The following EYS variants were observed in gnomAD, a reference collection of about 807,000 sequenced individuals.
The protein encoded by EYS is EGF-like photoreceptor maintenance factor, also known as protein eyes shut homolog.
Under a neutral mutation model 282.1 loss-of-function variants are expected in EYS, and 250 were observed. That is an observed-to-expected ratio of 0.89 (90% CI 0.80 to 0.98). EYS has a LOEUF of 0.98. EYS is among the 50% of genes least tolerant of loss of function. EYS has a pLI of 0.00. For synonymous variants in EYS, 1,355 were observed against 1,282.9 expected (o/e 1.06, Z -1.20); for missense variants, 4,016 against 3,709.0 (o/e 1.08, Z -2.15).
intron 14 of EYS, among the ~76,000 whole-genome samples, chr6:64,954,003 T>C (rs951885899): frequency 8.1e-5 from 2 of 24,820 alleles, no homozygotes; most frequent in Non-Finnish European, 1.6e-4. Flanking sequence ...TACTTTTCAT[T>C]AGTAACAAAA....
At chr6:64,551,183 C>CATATATACATATATACACACATATAT (rs1765068224) in intron 26 of EYS, among the ~76,000 whole-genome samples, 3 of 148,294 alleles carry the variant, frequency 2.0e-5, no homozygotes, top group Non-Finnish European at 4.5e-5. Context: ...TATATACACA[C>CATATATACATATATACACACATATAT]ATATATACAT....
chr6:65,230,721 C>T (rs1024024238), intron 12 of EYS, among the ~76,000 whole-genome samples: 9 of 151,522 alleles, frequency 5.9e-5, no homozygotes, highest in East Asian at 3.9e-4. Context: ...TTCTTTGAGT[C>T]ATATCTTTTT....
intron 2 of EYS, among the ~76,000 whole-genome samples, chr6:65,502,354 T>C (rs1273089784): frequency 6.6e-6 from 1 of 151,742 alleles, no homozygotes; most frequent in East Asian, 1.9e-4. Flanking sequence ...ATCCTGCACA[T>C]GGATCTTTAT....
intron 22 of EYS, among the ~76,000 whole-genome samples, chr6:64,779,296 AAT>A (rs1330810443): frequency 6.6e-6 from 1 of 152,130 alleles, no homozygotes; most frequent in African/African-American, 2.4e-5. Context: ...TATACAATAG[AAT>A]ATGTTTCAGG....
chr6:65,499,202 T>G (rs1451541056), intron 2 of EYS, among the ~76,000 whole-genome samples: 1 of 152,060 alleles, frequency 6.6e-6, no homozygotes, highest in African/African-American at 2.4e-5. Flanking sequence ...ATGAACAATA[T>G]TTCTTCTTTC....
chr6:64,098,388 T>C (rs2150257227), intron 31 of EYS, among the ~76,000 whole-genome samples: 1 of 152,240 alleles, frequency 6.6e-6, no homozygotes, highest in African/African-American at 2.4e-5. Flanking sequence ...TAGAGCATAT[T>C]GAGCAAAAGG....
chr6:65,683,453 TAC>T (rs1260306959), intron 1 of EYS, among the ~76,000 whole-genome samples: 2 of 151,798 alleles, frequency 1.3e-5, no homozygotes, highest in Non-Finnish European at 2.9e-5. Flanking sequence ...TAATGTTGAA[TAC>T]AGTTTGCTTG....
chr6:64,674,640 C>G (rs895586458), intron 22 of EYS, among the ~76,000 whole-genome samples: 8 of 151,690 alleles, frequency 5.3e-5, no homozygotes, highest in Non-Finnish European at 1.0e-4. Context: ...ATAGAAAGTC[C>G]TTGGCTTATC....
intron 41 of EYS, among the ~76,000 whole-genome samples, chr6:63,738,261 C>A (rs925590541): frequency 6.6e-6 from 1 of 152,072 alleles, no homozygotes; most frequent in Non-Finnish European, 1.5e-5. Context: ...GACTATAAAT[C>A]ATGCTGCTGT....
At chr6:64,634,540 T>C (rs1241976985) in intron 22 of EYS, among the ~76,000 whole-genome samples, 1 of 58,902 alleles carries the variant, frequency 1.7e-5, no homozygotes, top group African/African-American at 6.3e-5. Context: ...TAAGATACCC[T>C]AGCTTCCAAA....
chr6:65,276,992 A>T (rs937426956), intron 12 of EYS, among the ~76,000 whole-genome samples: 10 of 152,220 alleles, frequency 6.6e-5, no homozygotes, highest in African/African-American at 2.4e-4. Flanking sequence ...TTACATCATG[A>T]CAACAAACTA....
intron 33 of EYS, among the ~76,000 whole-genome samples, chr6:64,055,859 C>A (rs2149847279): frequency 6.6e-6 from 1 of 152,228 alleles, no homozygotes; most frequent in South Asian, 2.1e-4. Context: ...GGATACCTGC[C>A]TAGTTTATCT....
chr6:64,272,752 CAGCTT>C (rs1767985255), intron 30 of EYS, among the ~76,000 whole-genome samples: 1 of 152,030 alleles, frequency 6.6e-6, no homozygotes, highest in Non-Finnish European at 1.5e-5. Context: ...GTAGAATAAA[CAGCTT>C]AATAGTATAA....
intron 14 of EYS, among the ~76,000 whole-genome samples, chr6:64,959,332 A>G (rs1365009742): frequency 1.3e-5 from 2 of 152,222 alleles, no homozygotes; most frequent in African/African-American, 2.4e-5. Context: ...GTTATTATTG[A>G]CATAATCATT....
intron 1 of EYS, among the ~76,000 whole-genome samples, chr6:65,677,528 A>G (rs1768663328): frequency 6.6e-6 from 1 of 151,996 alleles, no homozygotes; most frequent in African/African-American, 2.4e-5. Flanking sequence ...ATAAATGACT[A>G]TAAAACATTG....
intron 31 of EYS, among the ~76,000 whole-genome samples, chr6:64,142,899 T>C (rs1774383119): frequency 6.6e-6 from 1 of 152,186 alleles, no homozygotes; most frequent in African/African-American, 2.4e-5. Context: ...ACCGTGTTTC[T>C]GAGGAGGATT....
chr6:64,060,490 A>G (rs989241671), intron 33 of EYS, among the ~76,000 whole-genome samples: 2 of 152,164 alleles, frequency 1.3e-5, no homozygotes, highest in African/African-American at 2.4e-5. Context: ...TCTATTTTCT[A>G]TAAATTACTT....
chr6:64,334,554 C>A (rs1435872953), intron 29 of EYS, among the ~76,000 whole-genome samples: 1 of 152,110 alleles, frequency 6.6e-6, no homozygotes, highest in African/African-American at 2.4e-5. Flanking sequence ...CATGAGGATG[C>A]TGTACTCTTA....
intron 26 of EYS, among the ~76,000 whole-genome samples, chr6:64,568,020 G>T (rs9766710): frequency 0.026 from 4,024 of 152,284 alleles, 112 homozygotes; most frequent in East Asian, 0.11. Context: ...TTCTCCATGA[G>T]TAGAGAAGAT....
Sources: allele counts gnomAD v4.1 joint callset (sites outside exome capture counted in the v4.1 genomes callset), GRCh38; gene constraint gnomAD v4.1.1; transcripts MANE v1.5; gene names NCBI Gene and HGNC (gene_info 2026-07-23, HGNC 2026-07-21).